Variants in FUT8 observed in about 807,000 individuals in gnomAD.
The protein encoded by FUT8 is alpha-(1,6)-fucosyltransferase.
Under a neutral mutation model 71.3 loss-of-function variants are expected in FUT8, and 29 were observed. That is an observed-to-expected ratio of 0.41 (90% CI 0.30 to 0.55). FUT8 has a LOEUF of 0.55. Ranked by LOEUF, FUT8 falls within the 20% of genes least tolerant of loss-of-function variation. The pLI is 0.34. For missense variants in FUT8, 544 were observed against 702.1 expected (o/e 0.77, Z 2.55); for synonymous variants, 254 against 239.3 (o/e 1.06, Z -0.57).
intron 2 of FUT8, among the ~76,000 whole-genome samples, chr14:65,540,943 T>TTG (rs1884643896): frequency 1.3e-5 from 2 of 152,200 alleles, no homozygotes; most frequent in Non-Finnish European, 2.9e-5. Flanking sequence ...TTGATGGATA[T>TTG]TGGGGATGGT....
chr14:65,683,410 A>C (rs894111005), intron 7 of FUT8, among the ~76,000 whole-genome samples: 2 of 152,210 alleles, frequency 1.3e-5, no homozygotes, highest in African/African-American at 4.8e-5. Flanking sequence ...AATATTGGCA[A>C]AAGTTGTCAA....
At chr14:65,614,376 A>T (rs1309282103) in intron 3 of FUT8, among the ~76,000 whole-genome samples, 1 of 152,230 alleles carries the variant, frequency 6.6e-6, no homozygotes, top group Non-Finnish European at 1.5e-5. Flanking sequence ...AATCTTTAGG[A>T]CAATTTTGTA....
chr14:65,707,451 T>G (rs1377732120), intron 7 of FUT8, among the ~76,000 whole-genome samples: 1 of 152,172 alleles, frequency 6.6e-6, no homozygotes, highest in Admixed American at 6.5e-5. Flanking sequence ...TCATGGATTA[T>G]CTCTTCACTC....
chr14:65,469,236 C>T (rs2066097955), intron 2 of FUT8, among the ~76,000 whole-genome samples: 2 of 152,164 alleles, frequency 1.3e-5, no homozygotes, highest in Non-Finnish European at 2.9e-5. Context: ...GTAAAAATTT[C>T]TGCCACATCC....
intron 7 of FUT8, among the ~76,000 whole-genome samples, chr14:65,670,796 A>G (rs1892440365): frequency 6.6e-6 from 1 of 152,156 alleles, no homozygotes; most frequent in Admixed American, 6.5e-5. Context: ...TCTATAAAAT[A>G]CTTTGAGTTG....
intron 1 of FUT8, among the ~76,000 whole-genome samples, chr14:65,449,960 CT>C (rs1345224725): frequency 6.6e-6 from 1 of 152,170 alleles, no homozygotes; most frequent in Non-Finnish European, 1.5e-5. Context: ...GTACTTTTCT[CT>C]TTTTCTTAAA....
At chr14:65,639,939 C>G (rs569114198) in intron 6 of FUT8, among the ~76,000 whole-genome samples, 2 of 152,218 alleles carry the variant, frequency 1.3e-5, no homozygotes, top group East Asian at 3.9e-4. Context: ...TTAAAATCAT[C>G]AAATAACCAG....
At chr14:65,598,282 G>A (rs1191937120) in intron 3 of FUT8, among the ~76,000 whole-genome samples, 1 of 152,024 alleles carries the variant, frequency 6.6e-6, no homozygotes, top group Non-Finnish European at 1.5e-5. Context: ...GAGTGTAGTG[G>A]CGTGATCTCA....
At position 65,616,318 on chromosome 14, in the gene FUT8, A is replaced by G. The variant is rs1889284778; in HGVS notation, c.427A>G (p.Asn143Asp). 3 of 1,612,502 alleles carry G rather than the reference A, an allele frequency of 1.9e-6. No individual in the cohort carries two copies. The African/African-American group carries it at 4.0e-5, about 22-fold the overall frequency. ...ELKKLKNLEGNELQRHADEFL... is the reference protein window; with the variant it reads ...ELKKLKNLEGDELQRHADEFL... ...GAAGAAATTAAAGAACTTAGAAGGA[A>G]ATGAACTCCAAAGACATGCAGATGA... Residue 143 changes from asparagine (N) to aspartate (D), a missense_variant, in exon 5 of 11, where the codon AAT (asparagine) becomes GAT (aspartate). By Grantham distance (23) the Asn-to-Asp change is conservative. Transcript: ENST00000673929.
rs1888955979 is a variant in FUT8, at chr14:65,611,266, CA to C, written c.204-4711del. Reference sequence around the variant, plus strand: ...ACACACACACACACACACACACACACACACACACACACACACACACACACAC... The same window carrying C: ...ACACACACACACACACACACACACACCACACACACACACACACACACACAC... On this transcript the variant is annotated intron_variant, in intron 3 of 10. Coordinates refer to ENST00000673929, the MANE Select transcript of FUT8 (RefSeq NM_001371533.1). Among the ~76,000 whole-genome samples, 4 of 79,194 alleles carry C rather than the reference CA, an allele frequency of 5.1e-5. 1 individual carries two copies. The highest frequency in any genetic ancestry group is 3.1e-4 in the African/African-American group (4 of 12,740). 52.0% of individuals were successfully genotyped at this position (79,194 alleles called of 152,430 possible).
chr14:65,658,617 A>G (rs1262293023), intron 6 of FUT8, among the ~76,000 whole-genome samples: 1 of 148,498 alleles, frequency 6.7e-6, no homozygotes, highest in African/African-American at 2.5e-5. Flanking sequence ...CACAAGTTGG[A>G]TGGATCTCAA....
At chr14:65,426,208 C>T (rs752874097) in intron 1 of FUT8, among the ~76,000 whole-genome samples, 2 of 151,956 alleles carry the variant, frequency 1.3e-5, no homozygotes, top group Admixed American at 1.3e-4. Flanking sequence ...TCATGTAGTA[C>T]GTGTATTTGT....
At chr14:65,629,372 G>A (rs891943901) in intron 5 of FUT8, 120 bp from the exon 6 acceptor site, 5 of 607,382 alleles carry the variant, frequency 8.2e-6, no homozygotes, top group Non-Finnish European at 1.2e-5. Context: ...TAAAAGATGA[G>A]TACCAGTGTC....
intron 2 of FUT8, among the ~76,000 whole-genome samples, chr14:65,473,190 T>C (rs1350479136): frequency 6.6e-6 from 1 of 152,208 alleles, no homozygotes; most frequent in African/African-American, 2.4e-5. Context: ...TCTAACAATG[T>C]TTTCTCATTG....
intron 2 of FUT8, among the ~76,000 whole-genome samples, chr14:65,515,495 AAT>A (rs1447008610): frequency 6.6e-6 from 1 of 151,866 alleles, no homozygotes; most frequent in Non-Finnish European, 1.5e-5. Context: ...TTCAGATTTT[AAT>A]AAGATTTCAC....
chr14:65,600,978 A>G (rs542625745), intron 3 of FUT8, among the ~76,000 whole-genome samples: 1 of 152,284 alleles, frequency 6.6e-6, no homozygotes, highest in African/African-American at 2.4e-5. Flanking sequence ...CAAAGTAAAT[A>G]TGGACACGGA....
At chr14:65,648,502 AGTACT>A (rs1400734022) in intron 6 of FUT8, among the ~76,000 whole-genome samples, 1 of 152,178 alleles carries the variant, frequency 6.6e-6, no homozygotes, top group Non-Finnish European at 1.5e-5. Flanking sequence ...GAGTTATGTA[AGTACT>A]CAGGAATATA....
At chr14:65,728,546 C>G (rs1306176050) in intron 9 of FUT8, among the ~76,000 whole-genome samples, 1 of 152,212 alleles carries the variant, frequency 6.6e-6, no homozygotes, top group African/African-American at 2.4e-5. Context: ...AAAGTATTAT[C>G]CTCAATCCCA....
intron 5 of FUT8, among the ~76,000 whole-genome samples, chr14:65,628,406 G>A (rs1250574362): frequency 6.6e-6 from 1 of 152,192 alleles, no homozygotes; most frequent in Non-Finnish European, 1.5e-5. Context: ...GATATATTGA[G>A]AACAGACTTT....
Sources: gnomAD v4.1 joint callset for allele counts (sites outside exome capture counted in the v4.1 genomes callset) on GRCh38, gnomAD v4.1.1 for gene constraint, MANE v1.5 for transcripts, NCBI Gene and HGNC (gene_info 2026-07-23, HGNC 2026-07-21) for gene names.